Variants in TTC29 observed in about 807,000 individuals in gnomAD.
TTC29 encodes tetratricopeptide repeat domain 29.
A neutral mutation model predicts 58.1 loss-of-function variants in TTC29; 49 were observed. That is an observed-to-expected ratio of 0.84 (90% CI 0.67 to 1.07). TTC29 has a LOEUF of 1.07. Among genes scored for constraint, TTC29 ranks in the 50% least tolerant of loss-of-function variants. The pLI, the probability that TTC29 is intolerant of heterozygous loss-of-function variation, is 0.00. For missense variants in TTC29, 582 were observed against 555.6 expected, an observed-to-expected ratio of 1.05 and a Z score of -0.48; for synonymous variants, 209 against 196.8, an observed-to-expected ratio of 1.06 and a Z score of -0.52.
chr4:146,709,325 A>T (rs1307380847), intron 11 of TTC29, among the ~76,000 whole-genome samples: 1 of 151,928 alleles, frequency 6.6e-6, no homozygotes, highest in Admixed American at 6.6e-5. Flanking sequence ...GTATTTCCAG[A>T]TCACTCCCTC....
At chr4:146,728,024 T>C (rs1362675477) in intron 11 of TTC29, among the ~76,000 whole-genome samples, 13 of 152,282 alleles carry the variant, frequency 8.5e-5, no homozygotes, top group African/African-American at 3.1e-4. Context: ...CGATGGCTCA[T>C]GCCTGTAATC....
At chr4:146,712,267 T>A in intron 11 of TTC29, among the ~76,000 whole-genome samples, 1 of 152,294 alleles carries the variant, frequency 6.6e-6, no homozygotes, top group South Asian at 2.1e-4. Flanking sequence ...ATATTGACAG[T>A]TATGACTTTA....
chr4:146,743,495 CTCTT>C (rs1270426046), intron 11 of TTC29, among the ~76,000 whole-genome samples: 1 of 152,106 alleles, frequency 6.6e-6, no homozygotes, highest in Admixed American at 6.5e-5. Context: ...AGCCAGACTG[CTCTT>C]TTTTTTCTTT....
chr4:146,938,784 G>T (rs1469669392), intron 3 of TTC29, among the ~76,000 whole-genome samples: 1 of 152,096 alleles, frequency 6.6e-6, no homozygotes, highest in Non-Finnish European at 1.5e-5. Context: ...CTAATACTTT[G>T]ATCATTATGC....
chr4:146,863,810 A>G (rs1730398926), intron 8 of TTC29, among the ~76,000 whole-genome samples: 1 of 152,142 alleles, frequency 6.6e-6, no homozygotes, highest in South Asian at 2.1e-4. Context: ...ATCAGTGCTG[A>G]CAGTGGAAGA....
chr4:146,932,364 A>G (rs1385657683), intron 4 of TTC29, among the ~76,000 whole-genome samples: 1 of 152,206 alleles, frequency 6.6e-6, no homozygotes, highest in African/African-American at 2.4e-5. Flanking sequence ...ACAAACCTCC[A>G]TAGAGAATTT....
At chr4:146,798,199 A>C (rs1006428477) in intron 11 of TTC29, among the ~76,000 whole-genome samples, 7 of 152,218 alleles carry the variant, frequency 4.6e-5, no homozygotes, top group African/African-American at 1.4e-4. Flanking sequence ...GCCACAAAGT[A>C]AAGTATATGA....
chr4:146,872,224 C>T (rs1471568830), intron 7 of TTC29, among the ~76,000 whole-genome samples: 2 of 151,940 alleles, frequency 1.3e-5, no homozygotes, highest in East Asian at 3.9e-4. Context: ...ACCCTCCTCA[C>T]ACCACATGTG....
intron 6 of TTC29, among the ~76,000 whole-genome samples, chr4:146,889,797 A>C (rs1732228095): frequency 6.6e-6 from 1 of 152,196 alleles, no homozygotes; most frequent in African/African-American, 2.4e-5. Context: ...ATGCCAAAAA[A>C]TAAAGTGATA....
chr4:146,917,520 A>G (rs1229559098), intron 4 of TTC29, among the ~76,000 whole-genome samples: 1 of 117,676 alleles, frequency 8.5e-6, no homozygotes, highest in Non-Finnish European at 1.9e-5. Flanking sequence ...TTTTACCATT[A>G]TATATTTTAT....
At position 146,794,795 on chromosome 4, in the gene TTC29, A is replaced by T. The variant is rs181822620; in HGVS notation, c.1330+8662T>A. ...ATCATGAAATACACAGCCTTTTTTT[A>T]AAAAAATTTAATTTTAAGTTCCAGG... On this transcript the variant is annotated intron_variant, in intron 11 of 12. Transcript: ENST00000325106. Among the ~76,000 whole-genome samples the T allele has an allele frequency of 3.0e-3, 460 of 151,994 alleles. 1 individual carries two copies. Among genetic ancestry groups the T allele is most frequent in the Middle Eastern group, 0.014 (4 of 294 alleles).
At chr4:146,812,474 AG>A (rs1751090251) in intron 10 of TTC29, among the ~76,000 whole-genome samples, 1 of 152,206 alleles carries the variant, frequency 6.6e-6, no homozygotes, top group Non-Finnish European at 1.5e-5. Context: ...CAGTAAATGG[AG>A]TTTCCACTCA....
chr4:146,754,926 T>C (rs1746323394), intron 11 of TTC29, among the ~76,000 whole-genome samples: 1 of 151,746 alleles, frequency 6.6e-6, no homozygotes, highest in South Asian at 2.1e-4. Context: ...AAAAGAAATA[T>C]AAGATACCCA....
chr4:146,727,423 A>C (rs1243999950), intron 11 of TTC29, among the ~76,000 whole-genome samples: 1 of 152,216 alleles, frequency 6.6e-6, no homozygotes, highest in African/African-American at 2.4e-5. Flanking sequence ...GTTTTGAAAA[A>C]TATATAATGA....
chr4:146,798,495 T>C (rs975229369), intron 11 of TTC29, among the ~76,000 whole-genome samples: 1 of 152,126 alleles, frequency 6.6e-6, no homozygotes, highest in Non-Finnish European at 1.5e-5. Flanking sequence ...ATGATAATAA[T>C]AAGTTTCCTT....
At chr4:146,775,328 T>C (rs912163211) in intron 11 of TTC29, among the ~76,000 whole-genome samples, 4 of 152,174 alleles carry the variant, frequency 2.6e-5, no homozygotes, top group Non-Finnish European at 5.9e-5. Context: ...GATTGTGTGA[T>C]TGCTTTATAG....
At chr4:146,793,705 A>G (rs1429941437) in intron 11 of TTC29, among the ~76,000 whole-genome samples, 1 of 152,146 alleles carries the variant, frequency 6.6e-6, no homozygotes, top group Non-Finnish European at 1.5e-5. Context: ...CCCTGAAGAA[A>G]AGCAATAGGT....
intron 11 of TTC29, among the ~76,000 whole-genome samples, chr4:146,747,027 T>G (rs1363568278): frequency 1.3e-5 from 2 of 152,074 alleles, no homozygotes; most frequent in African/African-American, 4.8e-5. Flanking sequence ...GTCCCCCAGA[T>G]GTAATCAACT....
At position 146,849,466 on chromosome 4, in the gene TTC29, A is replaced by G. The variant is rs62328022; in HGVS notation, c.886-15569T>C. ...CCTTCTGCCCCAGTTGCCAGAAGCTATCCTCCACTCACATACAGGGACATT... is the reference window on the plus strand; with the variant it reads ...CCTTCTGCCCCAGTTGCCAGAAGCTGTCCTCCACTCACATACAGGGACATT... On this transcript the variant is annotated intron_variant, in intron 8 of 12. Transcript: ENST00000325106. Among the ~76,000 whole-genome samples, 752 of 152,224 alleles carry G rather than the reference A, an allele frequency of 4.9e-3. 4 individuals are homozygous for G. Among genetic ancestry groups the G allele is most frequent in the Non-Finnish European group, 9.0e-3 (610 of 68,018 alleles).
Sources: allele counts gnomAD v4.1 joint callset (sites outside exome capture counted in the v4.1 genomes callset), GRCh38; gene constraint gnomAD v4.1.1; transcripts MANE v1.5; gene names NCBI Gene and HGNC (gene_info 2026-07-23, HGNC 2026-07-21).